The following MEI1 variants were observed in gnomAD, a reference collection of about 807,000 sequenced individuals.
The protein encoded by MEI1 is meiotic double-stranded break formation protein 1, also known as meiosis inhibitor protein 1.
In MEI1, 103 loss-of-function variants were observed where a neutral mutation model predicts 146.2. That is an observed-to-expected ratio of 0.70 (90% CI 0.60 to 0.83). The LOEUF (loss-of-function observed/expected upper bound fraction) is 0.83, where lower values mean the gene tolerates loss of function less well. Ranked by LOEUF, MEI1 falls within the 40% of genes least tolerant of loss-of-function variation. MEI1 has a pLI of 0.00. For synonymous variants in MEI1, 652 were observed against 628.2 expected, an observed-to-expected ratio of 1.04 and a Z score of -0.57; for missense variants, 1,529 against 1,533.0, an observed-to-expected ratio of 1.00 and a Z score of 0.04.
chr22:41,794,309 C>T, intron 27 of MEI1, 62 bp from the exon 28 acceptor site: 1 of 1,388,214 alleles, frequency 7.2e-7, no homozygotes, highest in Non-Finnish European at 1.0e-6. Context: ...AGGAGAAGGT[C>T]CTCTTGAGCA....
chr22:41,724,647 T>C (rs1208585930), intron 7 of MEI1, among the ~76,000 whole-genome samples: 1 of 146,632 alleles, frequency 6.8e-6, no homozygotes, highest in Non-Finnish European at 1.5e-5. Flanking sequence ...TAGCTGGGCG[T>C]GGGCGTGGTG....
chr22:41,734,454 A>C (rs2072150092), intron 11 of MEI1, among the ~76,000 whole-genome samples: 1 of 151,692 alleles, frequency 6.6e-6, no homozygotes, highest in Non-Finnish European at 1.5e-5. Flanking sequence ...TTAGTTGGGC[A>C]TGATGGCGCT....
chr22:41,758,387 C>T lies in MEI1; in HGVS notation c.1974C>T (p.Leu658=). The change falls in exon 18 of 31, where the codon CTC becomes CTT. Residue 658 remains leucine, a synonymous_variant. Transcript: ENST00000401548. ...TAGAACTCTCTGCAGTGTCTGAGCT[C>T]CTGCAGCATGGGCTGCCCCAGATAA... is the stretch of plus-strand genomic sequence containing the variant. ...SKEELSAVSE[L]LQHGLPQISS... is the part of the protein sequence containing the mutation. The T allele has an allele frequency of 6.2e-7, 1 of 1,613,656 alleles. No individual in the cohort carries two copies.
At chr22:41,772,869 T>TCATACCCATGAAGTCAAC (rs976572821) in intron 20 of MEI1, among the ~76,000 whole-genome samples, 17 of 152,144 alleles carry the variant, frequency 1.1e-4, no homozygotes, top group Admixed American at 6.6e-4. Context: ...TCTCCTGAGC[T>TCATACCCATGAAGTCAAC]CATACCCATG....
At position 41,709,075 on chromosome 22, in the gene MEI1, C is replaced by A. The variant is rs1014025823; in HGVS notation, c.349+3521C>A. 11 of 542,376 alleles carry A rather than the reference C, an allele frequency of 2.0e-5. 1 individual carries two copies. The highest frequency in any genetic ancestry group is 1.3e-4 in the South Asian group (7 of 53,294). The allele number at this position is 542,376 out of a possible 1,614,324, so 33.6% of individuals were successfully genotyped here. ...GACATTCTATTAGTGACATATGCCCCTTCCCCAAAATATAACAGTGAAGTG... is the reference window on the plus strand; with the variant it reads ...GACATTCTATTAGTGACATATGCCCATTCCCCAAAATATAACAGTGAAGTG... On this transcript the variant is annotated intron_variant, in intron 3 of 30. Transcript: ENST00000401548.
intron 6 of MEI1, among the ~76,000 whole-genome samples, chr22:41,721,719 C>CTTTTTTTTT (rs58572782): frequency 2.0e-5 from 2 of 102,210 alleles, no homozygotes; most frequent in Non-Finnish European, 3.6e-5. Context: ...AATGCTACCC[C>CTTTTTTTTT]TTTTTTTTTT....
At position 41,745,932 on chromosome 22, in the gene MEI1, T is replaced by A; in HGVS notation, c.1586T>A (p.Phe529Tyr). The A allele has an allele frequency of 6.2e-7, 1 of 1,613,570 alleles. No homozygotes were observed. The highest frequency in any genetic ancestry group is 2.2e-5 in the East Asian group (1 of 44,878). ...GAGCCTTCAGCCCAGGAGAATCCAT[T>A]CACAGCTCCCAGCGCCAAGAAGGAA... ...QSEPSAQENPFTAPSAKKEDT... is the reference protein window; with the variant it reads ...QSEPSAQENPYTAPSAKKEDT... Residue 529 changes from phenylalanine to tyrosine, a missense_variant, in exon 14 of 31, where the codon TTC (phenylalanine) becomes TAC (tyrosine). This residue lies in a region of MEI1 where 1,212 missense variants were observed against 1,178.9 expected (regional missense o/e 1.03). Transcript: ENST00000401548.
At position 41,758,438 on chromosome 22, in the gene MEI1, C is replaced by G. The variant is rs759361851; in HGVS notation, c.2025C>G (p.Ala675=). ...QISSRSPESL[A]FLSDRQYMEG... is the part of the protein sequence containing the mutation. ...GCAGCAGGAGCCCTGAAAGCCTTGCCTTCCTGTCTGATCGCCAGTACATGG... is the reference window on the plus strand; with the variant it reads ...GCAGCAGGAGCCCTGAAAGCCTTGCGTTCCTGTCTGATCGCCAGTACATGG... The change falls in exon 18 of 31, where the codon GCC becomes GCG. Residue 675 remains alanine (A), a synonymous_variant. Transcript: ENST00000401548. The G allele has an allele frequency of 3.1e-6, 5 of 1,613,996 alleles. No homozygotes were observed. Among genetic ancestry groups the G allele is most frequent in the Non-Finnish European group, 4.2e-6 (5 of 1,179,890 alleles).
chr22:41,749,361 C>T (rs571308653), intron 15 of MEI1, among the ~76,000 whole-genome samples: 11 of 152,096 alleles, frequency 7.2e-5, no homozygotes, highest in African/African-American at 1.7e-4. Context: ...CCGCAACCTC[C>T]GCCTCCCGGG....
At chr22:41,765,294 G>A (rs573212004) in intron 19 of MEI1, among the ~76,000 whole-genome samples, 2 of 152,272 alleles carry the variant, frequency 1.3e-5, no homozygotes, top group East Asian at 3.9e-4. Flanking sequence ...GGGATTACAG[G>A]CATGAGCCAC....
intron 12 of MEI1, 34 bp downstream of exon 12, chr22:41,743,228 C>A: frequency 6.8e-7 from 1 of 1,470,404 alleles, no homozygotes; most frequent in Non-Finnish European, 9.5e-7. Context: ...TTCCGAAGAT[C>A]ATGCTGCAGT....
chr22:41,771,721 A>G (rs1321304935), intron 20 of MEI1, among the ~76,000 whole-genome samples: 1 of 152,198 alleles, frequency 6.6e-6, no homozygotes, highest in African/African-American at 2.4e-5. Context: ...ATTAGATTAG[A>G]TAAGGTAAAC....
rs368304910 is a variant in MEI1, at chr22:41,705,494, C to G, written c.299-10C>G. 7 of 1,613,354 alleles carry G rather than the reference C, an allele frequency of 4.3e-6. No individual in the cohort carries two copies. The African/African-American group carries it at 8.0e-5, about 18-fold the overall frequency. On this transcript the variant is annotated splice_polypyrimidine_tract_variant and intron_variant, in intron 2 of 30. Coordinates refer to ENST00000401548, the MANE Select transcript of MEI1 (RefSeq NM_152513.4). ...CTAACCACCCCTTTCTTACCTCCCTCTGCTCCAAGGACTATTATGCAGCAT... is the reference window on the plus strand; with the variant it reads ...CTAACCACCCCTTTCTTACCTCCCTGTGCTCCAAGGACTATTATGCAGCAT...
chr22:41,728,956 G>T (rs187342827), intron 7 of MEI1, among the ~76,000 whole-genome samples: 55 of 151,996 alleles, frequency 3.6e-4, no homozygotes, highest in Middle Eastern at 3.4e-3. Context: ...ACGAGGTCAG[G>T]AGTTCGAGAC....
intron 22 of MEI1, among the ~76,000 whole-genome samples, chr22:41,779,707 A>G (rs2075658022): frequency 6.6e-6 from 1 of 152,196 alleles, no homozygotes; most frequent in African/African-American, 2.4e-5. Flanking sequence ...AACAGATCCT[A>G]TTCATGCAGA....
At chr22:41,733,606 G>A (rs1190957224) in intron 11 of MEI1, among the ~76,000 whole-genome samples, 1 of 150,912 alleles carries the variant, frequency 6.6e-6, no homozygotes, top group Non-Finnish European at 1.5e-5. Context: ...AACTTAACTG[G>A]GCATGATGGC....
intron 3 of MEI1, chr22:41,709,590 A>G (rs1348897437): frequency 6.6e-6 from 3 of 452,596 alleles, no homozygotes; most frequent in Non-Finnish European, 1.2e-5. Flanking sequence ...TTCTTCTGAA[A>G]GGTCTGAATC....
intron 24 of MEI1, among the ~76,000 whole-genome samples, chr22:41,782,486 C>T (rs1015909573): frequency 2.0e-5 from 3 of 152,182 alleles, no homozygotes; most frequent in African/African-American, 7.2e-5. Context: ...CAGCCCCTCC[C>T]TCTTGTAGGG....
chr22:41,723,037 T>C (rs2071005852), intron 6 of MEI1, among the ~76,000 whole-genome samples: 1 of 152,224 alleles, frequency 6.6e-6, no homozygotes, highest in African/African-American at 2.4e-5. Flanking sequence ...TCTGGAATAC[T>C]TCTCCCCACT....
Sources: gnomAD v4.1 joint callset for allele counts (sites outside exome capture counted in the v4.1 genomes callset) on GRCh38, gnomAD v4.1.1 for gene constraint, gnomAD v4.1.1 regional missense constraint, MANE v1.5 for transcripts, NCBI Gene and HGNC (gene_info 2026-07-23, HGNC 2026-07-21) for gene names.